THSD7A: variants seen among roughly 807,000 people sequenced by gnomAD.
THSD7A encodes the protein thrombospondin type 1 domain containing 7A.
THSD7A carries 96 observed loss-of-function variants against 231.3 expected under a neutral mutation model. The ratio of observed to expected loss-of-function variants is 0.41; its 90% confidence interval spans 0.35 to 0.49. THSD7A has a LOEUF of 0.49. Ranked by LOEUF, THSD7A falls within the 20% of genes least tolerant of loss-of-function variation. THSD7A has a pLI of 0.05. For synonymous variants in THSD7A, 940 were observed against 743.3 expected (o/e 1.26, Z -4.30); for missense variants, 2,290 against 2,070.2 (o/e 1.11, Z -2.06).
chr7:11,484,103 A>G (rs1786546690), intron 6 of THSD7A, among the ~76,000 whole-genome samples: 1 of 150,494 alleles, frequency 6.6e-6, no homozygotes, highest in Non-Finnish European at 1.5e-5. Flanking sequence ...ACTTTCCTGT[A>G]GGATCACTCC....
chr7:11,741,262 G>GA lies in THSD7A; in HGVS notation c.190+90494dup, dbSNP rs564801762. On this transcript the variant is annotated intron_variant, in intron 1 of 27. Transcript: ENST00000423059. ...ACTTTGCTTTGTGGTTTTGACTCAGGAAAAAACTGTTTTCAATAACCTCTG... is the reference window on the plus strand; with the variant it reads ...ACTTTGCTTTGTGGTTTTGACTCAGGAAAAAAACTGTTTTCAATAACCTCTG... Among the ~76,000 whole-genome samples the GA allele has an allele frequency of 1.1e-3, 166 of 151,942 alleles. 2 individuals are homozygous for GA. The highest frequency in any genetic ancestry group is 3.8e-3 in the African/African-American group (157 of 41,512).
intron 11 of THSD7A, among the ~76,000 whole-genome samples, chr7:11,447,968 T>C (rs982172932): frequency 4.0e-4 from 61 of 152,220 alleles, no homozygotes; most frequent in African/African-American, 1.2e-3. Context: ...TGAAACTGCA[T>C]TGGCATGGGA....
intron 4 of THSD7A, among the ~76,000 whole-genome samples, chr7:11,563,405 G>T (rs1261982840): frequency 2.6e-5 from 4 of 151,988 alleles, no homozygotes; most frequent in Non-Finnish European, 5.9e-5. Context: ...TGTTTCCCAG[G>T]TTGGAGTGCA....
intron 1 of THSD7A, among the ~76,000 whole-genome samples, chr7:11,754,768 T>C (rs549855587): frequency 6.4e-4 from 97 of 152,228 alleles, no homozygotes; most frequent in African/African-American, 2.1e-3. Context: ...GTTCCTTTTT[T>C]GCCATCTTTG....
chr7:11,397,789 A>G (rs1274662273), intron 23 of THSD7A, among the ~76,000 whole-genome samples: 1 of 152,258 alleles, frequency 6.6e-6, no homozygotes, highest in Non-Finnish European at 1.5e-5. Flanking sequence ...CAGCCAACAA[A>G]CATGAAAAAA....
At chr7:11,769,154 T>TATATATATATA (rs1554275711) in intron 1 of THSD7A, among the ~76,000 whole-genome samples, 36 of 29,376 alleles carry the variant, frequency 1.2e-3, no homozygotes, top group East Asian at 1.9e-3. Context: ...TATATATATA[T>TATATATATATA]TTTTTTTTTT....
chr7:11,531,319 A>C (rs1164677166), intron 6 of THSD7A, among the ~76,000 whole-genome samples: 1 of 152,136 alleles, frequency 6.6e-6, no homozygotes, highest in Admixed American at 6.6e-5. Flanking sequence ...TTCTCAACAA[A>C]GCAACATCAG....
At chr7:11,463,721 A>G (rs1333080565) in intron 9 of THSD7A, among the ~76,000 whole-genome samples, 1 of 152,282 alleles carries the variant, frequency 6.6e-6, no homozygotes, top group African/African-American at 2.4e-5. Flanking sequence ...AAATATTGTC[A>G]TGGACTTTTA....
At chr7:11,553,646 T>C (rs10428944) in intron 4 of THSD7A, among the ~76,000 whole-genome samples, 26,226 of 151,990 alleles carry the variant, frequency 0.17, 2,271 homozygotes, top group Admixed American at 0.19. Flanking sequence ...AATTTTATTG[T>C]TCTTAATTTA....
Position 11,447,294 on chromosome 7 carries a change from C to G in THSD7A, c.2736G>C (p.Trp912Cys). Residue 912 changes from tryptophan to cysteine, a missense_variant, in exon 12 of 28, where the codon TGG (tryptophan) becomes TGC (cysteine). By Grantham distance (215) the Trp-to-Cys change is radical (BLOSUM62 -2). Coordinates refer to ENST00000423059, the MANE Select transcript of THSD7A (RefSeq NM_015204.3). ...CTCCATTGCATGAAGAAAACTTGGACCAGCTGGTCAATTGACAGTCATCCT... is the reference window on the plus strand; with the variant it reads ...CTCCATTGCATGAAGAAAACTTGGAGCAGCTGGTCAATTGACAGTCATCCT... ...PCQDDCQLTS[W>C]SKFSSCNGDC... The G allele has an allele frequency of 2.5e-6, 4 of 1,613,042 alleles. No homozygotes were observed. The highest frequency in any genetic ancestry group is 2.5e-6 in the Non-Finnish European group (3 of 1,179,452).
Position 11,405,982 on chromosome 7 carries a change from T to G in THSD7A, c.4237+318A>C, listed in dbSNP as rs189194191. Among the ~76,000 whole-genome samples the G allele has an allele frequency of 2.0e-5, 3 of 152,328 alleles. No homozygotes were observed. The East Asian group carries it at 5.8e-4, about 29-fold the overall frequency. ...CTGGAAATCCCGAATAGGTTATGTT[T>G]TGTCCTTATTTTCTCATCTTTTATT... On this transcript the variant is annotated intron_variant, in intron 22 of 27. Coordinates refer to ENST00000423059, the MANE Select transcript of THSD7A (RefSeq NM_015204.3).
At chr7:11,413,496 A>G (rs1212717154) in intron 17 of THSD7A, among the ~76,000 whole-genome samples, 5 of 152,178 alleles carry the variant, frequency 3.3e-5, no homozygotes. Context: ...CAAAAATTAT[A>G]ACAGTAAGAA....
chr7:11,466,516 A>C lies in THSD7A; in HGVS notation c.2368+3363T>G, dbSNP rs39192. ...CAAAGCATCTTGGCACTGTTATCCA[A>C]CAATGACCCTTCTATCACTCTCCAG... On this transcript the variant is annotated intron_variant, in intron 9 of 27. Transcript: ENST00000423059. 1.1e-3 allele frequency among the ~76,000 whole-genome samples: 166 copies of C among 152,026 alleles called. No homozygotes were observed. In the East Asian group the frequency reaches 0.012, roughly 11 times the overall value.
intron 1 of THSD7A, among the ~76,000 whole-genome samples, chr7:11,757,085 A>G (rs943618277): frequency 1.3e-5 from 2 of 151,970 alleles, no homozygotes; most frequent in Non-Finnish European, 2.9e-5. Flanking sequence ...GTGTGTGCTT[A>G]GTAAACATTT....
intron 4 of THSD7A, among the ~76,000 whole-genome samples, chr7:11,586,075 G>C (rs559866330): frequency 6.6e-6 from 1 of 152,174 alleles, no homozygotes; most frequent in South Asian, 2.1e-4. Context: ...ATGGGTTCTA[G>C]TCCTTTTTCA....
chr7:11,409,749 C>T (rs1175492895), intron 19 of THSD7A, among the ~76,000 whole-genome samples: 1 of 148,642 alleles, frequency 6.7e-6, no homozygotes, highest in African/African-American at 2.5e-5. Context: ...TACTGATGTT[C>T]TTTTTTTTTT....
rs186286206 is a variant in THSD7A at position 11,374,363 on chromosome 7, A to G, written c.*1431T>C. 6.2e-4 allele frequency: 95 copies of G among 152,208 alleles called. No homozygotes were observed. Among genetic ancestry groups the G allele is most frequent in the African/African-American group, 2.1e-3 (87 of 41,562 alleles). 9.4% of individuals were successfully genotyped at this position (152,208 alleles called of 1,614,324 possible). On this transcript the variant is annotated 3_prime_UTR_variant, in exon 28 of 28. Transcript: ENST00000423059. ...TATGCAATGAAGTCTTGGATAAGAT[A>G]TTTATTCTTCTCTTTTAAAATTTTA...
chr7:11,449,382 C>A (rs1785074410), intron 11 of THSD7A, among the ~76,000 whole-genome samples: 1 of 151,946 alleles, frequency 6.6e-6, no homozygotes, highest in Non-Finnish European at 1.5e-5. Flanking sequence ...GCATTTTTTT[C>A]AAGATGCTCA....
rs1782221604 is a variant in THSD7A at position 11,375,303 on chromosome 7, C to T, written c.*491G>A. On this transcript the variant is annotated 3_prime_UTR_variant, in exon 28 of 28. Transcript: ENST00000423059. ...CTTAGCTTAGAGTTTATTTGTTATG[C>T]ATTGTTAAAATTGCTTATTAGCAAG... is the stretch of plus-strand genomic sequence containing the variant. 6.6e-6 allele frequency: 1 copy of T among 151,762 alleles called. No homozygotes were observed. The highest frequency in any genetic ancestry group is 2.1e-4 in the South Asian group (1 of 4,808). 9.4% of individuals were successfully genotyped at this position (151,762 alleles called of 1,614,324 possible).
Sources: allele counts gnomAD v4.1 joint callset (sites outside exome capture counted in the v4.1 genomes callset), GRCh38; gene constraint gnomAD v4.1.1; transcripts MANE v1.5; gene names NCBI Gene and HGNC (gene_info 2026-07-23, HGNC 2026-07-21).